Variants in ROS1 observed in about 807,000 individuals in gnomAD.
The protein encoded by ROS1 is proto-oncogene tyrosine-protein kinase ROS.
A neutral mutation model predicts 273.5 loss-of-function variants in ROS1; 263 were observed. The observed-to-expected ratio is 0.96, with a 90% CI of 0.87 to 1.06. The LOEUF is 1.06. ROS1 is among the 50% of genes least tolerant of loss of function. The pLI, the probability that ROS1 is intolerant of heterozygous loss-of-function variation, is 0.00. For missense variants in ROS1, 2,833 were observed against 2,751.1 expected, an observed-to-expected ratio of 1.03 and a Z score of -0.67; for synonymous variants, 1,008 against 954.1, an observed-to-expected ratio of 1.06 and a Z score of -1.04.
rs1203284336 is a variant in ROS1 at position 117,356,809 on chromosome 6, G to A, written c.3946C>T (p.Gln1316Ter). Residue 1316 changes from glutamine (Q) to a stop codon, truncating the protein, a stop_gained, in exon 26 of 44, where the codon CAA (glutamine) becomes TAA (stop). Coordinates refer to ENST00000368507, the MANE Select transcript of ROS1 (RefSeq NM_001378902.1). LOFTEE classifies it high-confidence loss of function. ...RILQPTATNQ[Q>*]NKRNQCSCNV... ...CAAGAACATTGATTCCTTTTGTTTT[G>A]TTGGTTTGTAGCTGTGGGTTGCAGA... The A allele has an allele frequency of 6.2e-7, 1 of 1,614,124 alleles. No homozygotes were observed. Among genetic ancestry groups the A allele is most frequent in the Middle Eastern group, 1.7e-4 (1 of 6,060 alleles).
Position 117,359,792 on chromosome 6 carries a change from A to G in ROS1, c.3633+17T>C, listed in dbSNP as rs1172172956. On this transcript the variant is annotated intron_variant, in intron 24 of 43. Coordinates refer to ENST00000368507, the MANE Select transcript of ROS1 (RefSeq NM_001378902.1). ...ACTTCACTTCCTTTATTTCGGAAGA[A>G]TTACATAGTGAAATACCTCAGAGCT... The G allele has an allele frequency of 6.2e-7, 1 of 1,603,926 alleles. No individual in the cohort carries two copies. Among genetic ancestry groups the G allele is most frequent in the Non-Finnish European group, 8.5e-7 (1 of 1,171,452 alleles).
chr6:117,370,489 G>C (rs1162796202), intron 18 of ROS1, among the ~76,000 whole-genome samples: 1 of 152,004 alleles, frequency 6.6e-6, no homozygotes, highest in Non-Finnish European at 1.5e-5. Context: ...TCTAAATTTT[G>C]GGTTCTAATG....
chr6:117,337,100 A>T (rs2128616298), intron 32 of ROS1, 72 bp downstream of exon 32: 1 of 1,144,166 alleles, frequency 8.7e-7, no homozygotes, highest in Non-Finnish European at 1.3e-6. Context: ...TATCTCTAGG[A>T]TTAGTGAAAT....
intron 3 of ROS1, among the ~76,000 whole-genome samples, chr6:117,414,945 A>G (rs1446061215): frequency 6.6e-6 from 1 of 152,230 alleles, no homozygotes; most frequent in Non-Finnish European, 1.5e-5. Context: ...TGGCCACTGC[A>G]GCAGCCACAC....
At chr6:117,321,524 C>A (rs2128564207) in intron 35 of ROS1, 130 bp from the exon 36 acceptor site, 1 of 739,162 alleles carries the variant, frequency 1.4e-6, no homozygotes, top group South Asian at 2.6e-5. Flanking sequence ...TAGAAGTTTT[C>A]ATAATTTGAT....
At chr6:117,328,353 T>A (rs1024007543) in intron 33 of ROS1, 12 of 258,488 alleles carry the variant, frequency 4.6e-5, no homozygotes, top group Non-Finnish European at 8.3e-5. Context: ...ACAAAAGAGG[T>A]CCTAGCAAAA....
In ROS1 at chr6:117,389,766, C is replaced by A; in HGVS notation, c.1370G>T (p.Arg457Leu). ...CTTTAACGTGCAACTCTCCACAATA[C>A]GCACAGCTTCTGCACACCGGCCAGA... ...VPSGRCAEAV[R>L]IVESCTLKDF... The change falls in exon 13 of 44, where the codon CGT (arginine) becomes CTT (leucine). Residue 457 changes from arginine to leucine, a missense_variant. Coordinates refer to ENST00000368507, the MANE Select transcript of ROS1 (RefSeq NM_001378902.1). The A allele has an allele frequency of 6.2e-7, 1 of 1,614,146 alleles. No individual in the cohort carries two copies. The highest frequency in any genetic ancestry group is 8.5e-7 in the Non-Finnish European group (1 of 1,180,030).
intron 26 of ROS1, among the ~76,000 whole-genome samples, chr6:117,354,196 T>A (rs559208230): frequency 7.9e-5 from 12 of 152,050 alleles, no homozygotes; most frequent in African/African-American, 2.4e-4. Context: ...ACAAAAAAAA[T>A]ACTAAAATTA....
chr6:117,400,237 A>G lies in ROS1; in HGVS notation c.604+2902T>C, dbSNP rs1773834435. Among the ~76,000 whole-genome samples the G allele has an allele frequency of 1.3e-5, 2 of 152,180 alleles. 1 individual carries two copies. The highest frequency in any genetic ancestry group is 1.3e-4 in the Admixed American group (2 of 15,284). On this transcript the variant is annotated intron_variant, in intron 7 of 43. Transcript: ENST00000368507. ...GACTTCCTCCAAAGAGATTTATTTG[A>G]TATTTCATTTCAGAAATAAATACTT...
rs773494397 is a variant in ROS1, at chr6:117,360,370, A to G, written c.3402T>C (p.Tyr1134=). The G allele has an allele frequency of 2.5e-6, 4 of 1,613,568 alleles. No individual in the cohort carries two copies. The South Asian group carries it at 4.4e-5, about 18-fold the overall frequency. The part of the protein sequence containing the change: ...RAFTSKGPGP[Y]ADVVKSTTSE... ...ATGTTGTAGACTTTACAACGTCAGCATATGGTCCTGGCCCCTTAGATGTAA... is the reference window on the plus strand; with the variant it reads ...ATGTTGTAGACTTTACAACGTCAGCGTATGGTCCTGGCCCCTTAGATGTAA... The change falls in exon 23 of 44, where the codon TAT becomes TAC. Residue 1134 remains tyrosine, a synonymous_variant. Transcript: ENST00000368507.
chr6:117,331,892 A>G (rs1777099655), intron 32 of ROS1, among the ~76,000 whole-genome samples: 1 of 152,196 alleles, frequency 6.6e-6, no homozygotes, highest in Non-Finnish European at 1.5e-5. Context: ...AAAACACACC[A>G]AACTATAAAG....
intron 43 of ROS1, chr6:117,299,376 G>A (rs1272129767): frequency 1.3e-5 from 2 of 152,146 alleles, no homozygotes; most frequent in Non-Finnish European, 2.9e-5. Flanking sequence ...ATGTGAGGGT[G>A]ATCTCACTTC....
chr6:117,410,363 T>A (rs1192506388), intron 4 of ROS1, among the ~76,000 whole-genome samples: 1 of 152,202 alleles, frequency 6.6e-6, no homozygotes, highest in Non-Finnish European at 1.5e-5. Context: ...ATTTTATATA[T>A]CCCGGTCTTC....
Position 117,319,958 on chromosome 6 carries a change from C to A in ROS1, c.5832G>T (p.Leu1944Phe), listed in dbSNP as rs1776175234. ...CTTCTCCAAAGGCTCCACTTCCCAG[C>A]AAGAGACGCAGAGTCAGTTTTTCCC... ...FPREKLTLRL[L>F]LGSGAFGEVY... The change falls in exon 37 of 44, where the codon TTG (leucine) becomes TTT (phenylalanine). Residue 1944 changes from leucine to phenylalanine, a missense_variant. Leu to Phe is a conservative substitution (Grantham distance 22, BLOSUM62 0). Transcript: ENST00000368507. 6.2e-7 allele frequency: 1 copy of A among 1,613,488 alleles called. No individual in the cohort carries two copies. The highest frequency in any genetic ancestry group is 8.5e-7 in the Non-Finnish European group (1 of 1,179,648).
At chr6:117,384,017 C>T (rs926684132) in intron 16 of ROS1, among the ~76,000 whole-genome samples, 4 of 152,140 alleles carry the variant, frequency 2.6e-5, no homozygotes, top group African/African-American at 9.7e-5. Flanking sequence ...TTTCTATTCC[C>T]TATTTTTTCA....
Position 117,388,140 on chromosome 6 carries a change from C to A in ROS1, c.1787-148G>T. ...CGCTACCCCGATAATCACCAGGGAT[C>A]ATTTGTTGATGAGGCTAGGACAGTG... is the stretch of plus-strand genomic sequence containing the variant. On this transcript the variant is annotated intron_variant, in intron 13 of 43. Transcript: ENST00000368507. 1.3e-5 allele frequency: 16 copies of A among 1,253,360 alleles called. No individual in the cohort carries two copies. The South Asian group carries it at 2.1e-4, about 17-fold the overall frequency. The allele number at this position is 1,253,360 out of a possible 1,614,324, so 77.6% of individuals were successfully genotyped here.
intron 5 of ROS1, among the ~76,000 whole-genome samples, chr6:117,405,153 T>C (rs1774293606): frequency 6.6e-6 from 1 of 152,232 alleles, no homozygotes; most frequent in African/African-American, 2.4e-5. Flanking sequence ...ATCAGCACTC[T>C]GGTTGAGAAA....
chr6:117,339,328 G>A (rs1459738566), intron 31 of ROS1, among the ~76,000 whole-genome samples: 1 of 152,082 alleles, frequency 6.6e-6, no homozygotes, highest in African/African-American at 2.4e-5. Context: ...GATCTAGATC[G>A]AAACTTCATC....
chr6:117,311,208 T>A, intron 39 of ROS1, 91 bp from the exon 40 acceptor site: 1 of 618,928 alleles, frequency 1.6e-6, no homozygotes, highest in South Asian at 2.4e-5. Context: ...TACATGTATA[T>A]GCATATGCAT....
Sources: allele counts gnomAD v4.1 joint callset (sites outside exome capture counted in the v4.1 genomes callset), GRCh38; gene constraint gnomAD v4.1.1; transcripts MANE v1.5; gene names NCBI Gene and HGNC (gene_info 2026-07-23, HGNC 2026-07-21).